The following CHIC2 variants were observed in gnomAD, a reference collection of about 807,000 sequenced individuals.
CHIC2 encodes cysteine rich hydrophobic domain 2.
A neutral mutation model predicts 25.9 loss-of-function variants in CHIC2; 14 were observed. The ratio of observed to expected loss-of-function variants is 0.54; its 90% CI spans 0.36 to 0.85. The LOEUF is 0.85. Among genes scored for constraint, CHIC2 ranks in the 40% least tolerant of loss-of-function variants. The pLI is 0.01. For missense variants in CHIC2, 146 were observed against 202.0 expected (o/e 0.72, Z 1.68); for synonymous variants, 70 against 72.0 (o/e 0.97, Z 0.14).
rs28500743 is a variant in CHIC2, at chr4:54,018,112, C to T, written c.331-3993G>A. Reference sequence around the variant, plus strand: ...TGTGAAAATAGGAAAAACATGAAAACGGAAAGAGAACTAAAAGGGCCTCAG... The same window carrying T: ...TGTGAAAATAGGAAAAACATGAAAATGGAAAGAGAACTAAAAGGGCCTCAG... On this transcript the variant is annotated intron_variant, in intron 3 of 5. Transcript: ENST00000263921. Among the ~76,000 whole-genome samples the T allele has an allele frequency of 3.3e-3, 503 of 151,894 alleles. 2 individuals carry two copies. Among genetic ancestry groups the T allele is most frequent in the African/African-American group, 0.012 (486 of 41,442 alleles).
At chr4:54,059,286 G>T (rs1220297180) in intron 1 of CHIC2, among the ~76,000 whole-genome samples, 3 of 152,144 alleles carry the variant, frequency 2.0e-5, no homozygotes, top group Non-Finnish European at 4.4e-5. Flanking sequence ...CAGCATTTGT[G>T]GGGGCTGAGG....
At chr4:54,022,503 T>C (rs1715933763) in intron 3 of CHIC2, among the ~76,000 whole-genome samples, 1 of 152,156 alleles carries the variant, frequency 6.6e-6, no homozygotes, top group Admixed American at 6.5e-5. Flanking sequence ...GATGCCAGCT[T>C]GGACAACATT....
At chr4:54,067,924 C>A (rs556673252), upstream of CHIC2, among the ~76,000 whole-genome samples, 1 of 150,604 alleles carries the variant, frequency 6.6e-6, no homozygotes, top group Non-Finnish European at 1.5e-5. Context: ...TTTTGTCCCC[C>A]CCCCCAAATT....
Position 54,039,565 on chromosome 4 carries a change from T to C in CHIC2, c.330+9390A>G, listed in dbSNP as rs558130298. Among the ~76,000 whole-genome samples the C allele has an allele frequency of 5.9e-5, 9 of 152,334 alleles. No individual in the cohort carries two copies. In the East Asian group the frequency reaches 1.7e-3, roughly 29 times the overall value. On this transcript the variant is annotated intron_variant, in intron 3 of 5. Transcript: ENST00000263921. Reference sequence around the variant, plus strand: ...ACTATAATTTCTATAACTAACCATATCAAGTCCTGCAAGGATGCTAAGCAA... The same window carrying C: ...ACTATAATTTCTATAACTAACCATACCAAGTCCTGCAAGGATGCTAAGCAA...
At chr4:54,087,640 T>C in the CHIC2 span, 1 of 581,646 alleles carries the variant, frequency 1.7e-6, no homozygotes, top group Non-Finnish European at 2.9e-6. Flanking sequence ...AATGTTGGCC[T>C]ATATATCCCT....
At chr4:54,058,539 C>G (rs1413754570) in intron 1 of CHIC2, among the ~76,000 whole-genome samples, 1 of 119,134 alleles carries the variant, frequency 8.4e-6, no homozygotes, top group Non-Finnish European at 1.7e-5. Flanking sequence ...TCAAAAGTCA[C>G]ATACACACAT....
intron 1 of CHIC2, among the ~76,000 whole-genome samples, chr4:54,055,129 A>G (rs563371830): frequency 6.6e-6 from 1 of 152,190 alleles, no homozygotes; most frequent in South Asian, 2.1e-4. Context: ...CAGGGGGAAG[A>G]AAAAAATATA....
intron 3 of CHIC2, among the ~76,000 whole-genome samples, chr4:54,030,737 G>T (rs1200998361): frequency 1.1e-4 from 16 of 145,728 alleles, no homozygotes; most frequent in African/African-American, 4.1e-4. Context: ...GCACGATCTC[G>T]GCTCACTGTA....
chr4:54,020,207 AC>A (rs1715856958), intron 3 of CHIC2, among the ~76,000 whole-genome samples: 1 of 152,104 alleles, frequency 6.6e-6, no homozygotes, highest in Non-Finnish European at 1.5e-5. Context: ...ATACTCCACC[AC>A]TGTGATTTGT....
intron 1 of CHIC2, among the ~76,000 whole-genome samples, chr4:54,063,574 AGTTGTT>A (rs577772455): frequency 3.7e-4 from 56 of 152,304 alleles, no homozygotes; most frequent in African/African-American, 1.3e-3. Context: ...TCCCTCACGT[AGTTGTT>A]GTTGTTGTTG....
chr4:54,070,410 GTATT>G, the CHIC2 span, among the ~76,000 whole-genome samples: 7 of 77,834 alleles, frequency 9.0e-5, no homozygotes, highest in Non-Finnish European at 2.0e-4. Context: ...ATTTATTTAT[GTATT>G]TATGTATTTA....
At chr4:54,027,167 A>C (rs183546421) in intron 3 of CHIC2, among the ~76,000 whole-genome samples, 47 of 152,328 alleles carry the variant, frequency 3.1e-4, no homozygotes, top group African/African-American at 1.1e-3. Context: ...TGAAAAATAC[A>C]GTATCTCATA....
At chr4:54,051,171 C>T (rs1353864034) in intron 1 of CHIC2, among the ~76,000 whole-genome samples, 3 of 151,934 alleles carry the variant, frequency 2.0e-5, no homozygotes, top group Non-Finnish European at 4.4e-5. Context: ...TATATTGCTT[C>T]CCACCCCTCC....
At chr4:54,023,919 C>A (rs1715981049) in intron 3 of CHIC2, among the ~76,000 whole-genome samples, 2 of 152,194 alleles carry the variant, frequency 1.3e-5, no homozygotes, top group African/African-American at 4.8e-5. Flanking sequence ...AATAAAAACT[C>A]TTCTCAAGGC....
chr4:54,079,618 C>T, the CHIC2 span, among the ~76,000 whole-genome samples: 1 of 151,976 alleles, frequency 6.6e-6, no homozygotes, highest in Non-Finnish European at 1.5e-5. Context: ...CCAGAATAGA[C>T]ATTTTTTCAA....
chr4:54,085,513 T>G, the CHIC2 span, among the ~76,000 whole-genome samples: 2 of 152,214 alleles, frequency 1.3e-5, no homozygotes, highest in Admixed American at 6.5e-5. Context: ...AGTAGTTGGT[T>G]TGCCCAGAGC....
At chr4:54,043,148 G>A (rs1034090394) in intron 3 of CHIC2, among the ~76,000 whole-genome samples, 3 of 152,102 alleles carry the variant, frequency 2.0e-5, no homozygotes, top group South Asian at 2.1e-4. Context: ...TCGGCCAGGC[G>A]CGGTGGCTCA....
At chr4:54,058,561 C>T (rs35605872) in intron 1 of CHIC2, among the ~76,000 whole-genome samples, 4 of 70,644 alleles carry the variant, frequency 5.7e-5, no homozygotes, top group Admixed American at 1.6e-4. Flanking sequence ...CACACACATA[C>T]ACACACACAC....
intron 3 of CHIC2, among the ~76,000 whole-genome samples, chr4:54,043,087 G>A (rs2110079903): frequency 6.6e-6 from 1 of 152,218 alleles, no homozygotes; most frequent in East Asian, 1.9e-4. Context: ...AAGGAGGGCA[G>A]ACTGCTTGAG....
Sources: gnomAD v4.1 joint callset for allele counts (sites outside exome capture counted in the v4.1 genomes callset) on GRCh38, gnomAD v4.1.1 for gene constraint, MANE v1.5 for transcripts, NCBI Gene and HGNC (gene_info 2026-07-23, HGNC 2026-07-21) for gene names.